Variants in APC observed in about 807,000 individuals in gnomAD.
APC encodes adenomatous polyposis coli protein.
APC carries 72 observed loss-of-function variants against 247.0 expected under a neutral mutation model. The ratio of observed to expected loss-of-function variants is 0.29; its 90% CI spans 0.24 to 0.35. The LOEUF is 0.35. APC is among the 10% of genes least tolerant of loss of function. The pLI is 1.00. For missense variants in APC, 3,400 were observed against 3,360.7 expected (o/e 1.01, Z -0.29); for synonymous variants, 1,254 against 1,162.5 (o/e 1.08, Z -1.60).
chr5:112,784,551 T>C (rs1359632507), intron 6 of APC, among the ~76,000 whole-genome samples: 1 of 152,232 alleles, frequency 6.6e-6, no homozygotes. Context: ...TTTAAATTAT[T>C]AAATGAATAG....
chr5:112,784,220 A>G (rs953912366), intron 6 of APC, among the ~76,000 whole-genome samples: 9 of 152,142 alleles, frequency 5.9e-5, no homozygotes, highest in Non-Finnish European at 1.2e-4. Context: ...GTTGTGTGCC[A>G]CCACGCCCAG....
Position 112,841,400 on chromosome 5 carries a change from T to C in APC, c.5806T>C (p.Ser1936Pro), listed in dbSNP as rs2149949702. 1 of 1,613,874 alleles carries C rather than the reference T, an allele frequency of 6.2e-7. No individual in the cohort carries two copies. The change falls in exon 16 of 16, where the codon TCA (serine) becomes CCA (proline). Residue 1936 changes from serine to proline, a missense_variant. This residue lies in a region of APC where 1,788 missense variants were observed against 1,649.5 expected (regional missense o/e 1.08). Transcript: ENST00000257430. This position sits in a 1 kb window ranked among gnomAD's most constrained non-coding sequence, Gnocchi z 4.6. ...ILQKQSTFPQSSKDIPDRGAA... is the reference protein window; with the variant it reads ...ILQKQSTFPQPSKDIPDRGAA... ...TCAGAAACAATCCACTTTTCCCCAG[T>C]CATCCAAAGACATACCAGACAGAGG...
chr5:112,716,832 A>G (rs563218566), intron 1 of APC, among the ~76,000 whole-genome samples: 7 of 152,326 alleles, frequency 4.6e-5, no homozygotes, highest in African/African-American at 1.4e-4. Flanking sequence ...TGAGATGAAT[A>G]TAACAACGCT....
chr5:112,831,921 A>G (rs541786314), intron 14 of APC, among the ~76,000 whole-genome samples: 13 of 152,336 alleles, frequency 8.5e-5, no homozygotes, highest in African/African-American at 1.2e-4. Context: ...GGCAGTTACA[A>G]TTTGACAGTT....
Position 112,754,857 on chromosome 5 carries a change from C to A in APC, c.-18-16C>A. 1 of 1,612,338 alleles carries A rather than the reference C, an allele frequency of 6.2e-7. No individual in the cohort carries two copies. Among genetic ancestry groups the A allele is most frequent in the Non-Finnish European group, 8.5e-7 (1 of 1,179,004 alleles). The stretch of plus-strand genomic sequence containing the variant: ...TTTTTTAGTAGTGAATTTCAAAATC[C>A]TTTTTAACCTTATAGGTCCAAGGGT... On this transcript the variant is annotated splice_polypyrimidine_tract_variant and intron_variant, in intron 1 of 15. Transcript: ENST00000257430.
At chr5:112,827,278 T>C (rs752140014) in intron 12 of APC, 31 bp downstream of exon 12, 2 of 1,611,126 alleles carry the variant, frequency 1.2e-6, no homozygotes, top group South Asian at 2.2e-5. Context: ...TTTCTTAAGA[T>C]AGCTCAGGTA....
intron 1 of APC, among the ~76,000 whole-genome samples, chr5:112,708,982 G>T (rs574122653): frequency 1.3e-5 from 2 of 152,250 alleles, no homozygotes; most frequent in Admixed American, 1.3e-4. Flanking sequence ...AGTTGCCATG[G>T]CTAATTTTTC....
At chr5:112,744,889 C>CA (rs1224081657) in intron 1 of APC, among the ~76,000 whole-genome samples, 4 of 152,158 alleles carry the variant, frequency 2.6e-5, no homozygotes, top group African/African-American at 7.2e-5. Context: ...TGAATTCTGG[C>CA]ATAGGCTCTT....
In APC at chr5:112,840,356, T is replaced by C. The variant is rs879131155; in HGVS notation, c.4762T>C (p.Ser1588Pro). 1 of 1,614,154 alleles carries C rather than the reference T, an allele frequency of 6.2e-7. No individual in the cohort carries two copies. The highest frequency in any genetic ancestry group is 1.1e-5 in the South Asian group (1 of 91,078). Reference protein sequence around the residue: ...CIISAMPTKSSRKAKKPAQTA... With the variant: ...CIISAMPTKSPRKAKKPAQTA... ...TATTTCTGCCATGCCAACAAAGTCA[T>C]CACGTAAAGCAAAAAAGCCAGCCCA... The change falls in exon 16 of 16, where the codon TCA becomes CCA. Residue 1588 changes from serine (S) to proline (P), a missense_variant. Physicochemically the swap from Ser to Pro is moderately conservative, Grantham distance 74. Coordinates refer to ENST00000257430, the MANE Select transcript of APC (RefSeq NM_000038.6). This position sits in a 1 kb window ranked among gnomAD's most constrained non-coding sequence, Gnocchi z 4.1.
Position 112,792,540 on chromosome 5 carries a change from T to A in APC, c.729+11T>A, listed in dbSNP as rs1372310773. 1 of 1,604,608 alleles carries A rather than the reference T, an allele frequency of 6.2e-7. No individual in the cohort carries two copies. Among genetic ancestry groups the A allele is most frequent in the South Asian group, 1.1e-5 (1 of 90,856 alleles). On this transcript the variant is annotated intron_variant, in intron 7 of 15. Coordinates refer to ENST00000257430, the MANE Select transcript of APC (RefSeq NM_000038.6). ...GCAACAGAAGCAGAGGTTAGTAAAT[T>A]GCCTTTCTTGTTTGTGGGTATAAAA... is the stretch of plus-strand genomic sequence containing the variant.
chr5:112,801,174 A>G, intron 7 of APC, 105 bp from the exon 8 acceptor site: 1 of 768,004 alleles, frequency 1.3e-6, no homozygotes, highest in Non-Finnish European at 2.2e-6. Flanking sequence ...ATCAGTCTGT[A>G]TAATTGATGC....
chr5:112,715,042 A>T (rs1561399417), intron 1 of APC, among the ~76,000 whole-genome samples: 1 of 152,196 alleles, frequency 6.6e-6, no homozygotes, highest in Admixed American at 6.5e-5. Context: ...TTCATCAGTT[A>T]TTTTTGAATC....
rs1204733749 is a variant in APC at position 112,810,103 on chromosome 5, G to T, written c.835-5392G>T. On this transcript the variant is annotated intron_variant, in intron 8 of 15. Transcript: ENST00000257430. ...ACTGATACAGACTATAAGTTTGAGA[G>T]AAAATTTATTTCTGTTTTTAAGATA... 8.8e-6 allele frequency: 4 copies of T among 455,832 alleles called. No homozygotes were observed. In the Admixed American group the frequency reaches 9.4e-5, roughly 11 times the overall value. The allele number at this position is 455,832 out of a possible 1,614,324, so 28.2% of individuals were successfully genotyped here.
chr5:112,780,681 T>C, intron 5 of APC, 109 bp from the exon 6 acceptor site: 1 of 758,162 alleles, frequency 1.3e-6, no homozygotes, highest in Non-Finnish European at 2.3e-6. Context: ...GCACCATGAC[T>C]GACGTATTTG....
intron 7 of APC, among the ~76,000 whole-genome samples, chr5:112,793,351 C>T (rs1759855967): frequency 6.6e-6 from 1 of 152,130 alleles, no homozygotes; most frequent in Non-Finnish European, 1.5e-5. Context: ...CCACTGGCAT[C>T]CAGGCTTATA....
At chr5:112,726,597 G>A (rs1319095969) in intron 1 of APC, among the ~76,000 whole-genome samples, 1 of 152,138 alleles carries the variant, frequency 6.6e-6, no homozygotes, top group African/African-American at 2.4e-5. Flanking sequence ...TGCAAAAAAA[G>A]GAATGCCTCT....
intron 8 of APC, chr5:112,810,238 A>G (rs982132991): frequency 1.6e-5 from 7 of 435,686 alleles, no homozygotes; most frequent in Non-Finnish European, 2.7e-5. Flanking sequence ...GAGCACATCT[A>G]AAGGGATGGA....
intron 14 of APC, chr5:112,829,591 A>G (rs987278822): frequency 6.5e-6 from 1 of 153,744 alleles, no homozygotes; most frequent in Non-Finnish European, 1.4e-5. Context: ...TGACCAGATA[A>G]TTCTTCGTTT....
At chr5:112,779,122 A>T (rs1758045569) in intron 5 of APC, among the ~76,000 whole-genome samples, 2 of 152,310 alleles carry the variant, frequency 1.3e-5, no homozygotes, top group South Asian at 2.1e-4. Context: ...GGCCCTTAAC[A>T]TGTTAACACT....
Sources: allele counts gnomAD v4.1 joint callset (sites outside exome capture counted in the v4.1 genomes callset), GRCh38; gene constraint gnomAD v4.1.1; regional missense constraint gnomAD v4.1.1; non-coding constraint Gnocchi (gnomAD v3.1); transcripts MANE v1.5; gene names NCBI Gene and HGNC (gene_info 2026-07-23, HGNC 2026-07-21).